Variants in ATP8B4 observed in about 807,000 individuals in gnomAD.
ATP8B4 encodes probable phospholipid-transporting ATPase IM.
In ATP8B4, 133 loss-of-function variants were observed where a neutral mutation model predicts 145.6. That is an observed-to-expected ratio of 0.91 (90% CI 0.79 to 1.05). The LOEUF (loss-of-function observed/expected upper bound fraction) is 1.05, where lower values mean the gene tolerates loss of function less well. Among genes scored for constraint, ATP8B4 ranks in the 50% least tolerant of loss-of-function variants. ATP8B4 has a pLI of 0.00. For synonymous variants in ATP8B4, 507 were observed against 492.9 expected, an observed-to-expected ratio of 1.03 and a Z score of -0.38; for missense variants, 1,458 against 1,425.2, an observed-to-expected ratio of 1.02 and a Z score of -0.37.
At position 49,981,196 on chromosome 15, in the gene ATP8B4, T is replaced by C. The variant is rs1437989400; in HGVS notation, c.837+10A>G. On this transcript the variant is annotated intron_variant, in intron 11 of 27. Coordinates refer to ENST00000284509, the MANE Select transcript of ATP8B4 (RefSeq NM_024837.4). Reference sequence around the variant, plus strand: ...AATGACTAGTGATATTGCCTAGTTTTGTAACTTACCCATAGTACTAGAGTA... The same window carrying C: ...AATGACTAGTGATATTGCCTAGTTTCGTAACTTACCCATAGTACTAGAGTA... 4.5e-6 allele frequency: 7 copies of C among 1,561,352 alleles called. No homozygotes were observed. The highest frequency in any genetic ancestry group is 6.1e-6 in the Non-Finnish European group (7 of 1,138,262).
At chr15:49,994,873 C>G (rs1015480310) in intron 9 of ATP8B4, among the ~76,000 whole-genome samples, 24 of 152,012 alleles carry the variant, frequency 1.6e-4, no homozygotes, top group African/African-American at 5.6e-4. Context: ...AAGTCAGGGC[C>G]AGGTGACAAT....
intron 23 of ATP8B4, among the ~76,000 whole-genome samples, chr15:49,889,669 G>C (rs974222933): frequency 6.6e-6 from 1 of 152,152 alleles, no homozygotes; most frequent in Non-Finnish European, 1.5e-5. Context: ...CCACCTACCA[G>C]GATGGGGCAT....
intron 2 of ATP8B4, among the ~76,000 whole-genome samples, chr15:50,083,167 G>T (rs1466100963): frequency 6.6e-6 from 1 of 152,128 alleles, no homozygotes; most frequent in African/African-American, 2.4e-5. Context: ...CATCTCCAGG[G>T]TTGGTCTCTG....
chr15:49,893,643 C>G (rs972751195), intron 23 of ATP8B4, among the ~76,000 whole-genome samples: 2 of 151,966 alleles, frequency 1.3e-5, no homozygotes, highest in African/African-American at 4.8e-5. Flanking sequence ...TTGCCAGGGA[C>G]TAGGGGAAAT....
intron 20 of ATP8B4, among the ~76,000 whole-genome samples, chr15:49,908,658 T>A (rs761503270): frequency 1.6e-4 from 25 of 151,874 alleles, no homozygotes; most frequent in African/African-American, 5.6e-4. Flanking sequence ...CAGCAAAGTG[T>A]CATTTTGAGA....
rs2047943659 is a variant in ATP8B4 at position 50,002,160 on chromosome 15, G to C, written c.499C>G (p.Leu167Val). 1 of 1,606,712 alleles carries C rather than the reference G, an allele frequency of 6.2e-7. No individual in the cohort carries two copies. The highest frequency in any genetic ancestry group is 8.5e-7 in the Non-Finnish European group (1 of 1,174,866). ...HGLCYVETAE[L>V]DGETNLKVRH... ...CTAATTTTAATAACTTACCCATCAA[G>C]CTCAGCAGTTTCAACATAACAGAGA... Residue 167 changes from leucine to valine, a missense_variant, in exon 8 of 28, where the codon CTT (leucine) becomes GTT (valine). By Grantham distance (32) the Leu-to-Val change is conservative (BLOSUM62 1). Transcript: ENST00000284509.
intron 1 of ATP8B4, among the ~76,000 whole-genome samples, chr15:50,179,597 C>A (rs574566139): frequency 5.9e-5 from 9 of 152,112 alleles, no homozygotes; most frequent in Non-Finnish European, 1.3e-4. Context: ...AATCCTAACC[C>A]TCAATGTGAT....
At chr15:50,161,858 G>C (rs1595660534) in intron 1 of ATP8B4, among the ~76,000 whole-genome samples, 1 of 152,132 alleles carries the variant, frequency 6.6e-6, no homozygotes, top group South Asian at 2.1e-4. Context: ...AGTGAGTTTT[G>C]TACCGTCAGA....
At chr15:49,870,984 G>A (rs61618346) in intron 25 of ATP8B4, among the ~76,000 whole-genome samples, 35,737 of 152,176 alleles carry the variant, frequency 0.23, 4,393 homozygotes, top group Non-Finnish European at 0.27. Context: ...GAGTGAGAGA[G>A]GTGGGGACCA....
intron 6 of ATP8B4, among the ~76,000 whole-genome samples, chr15:50,033,620 G>C (rs1299209697): frequency 6.6e-6 from 1 of 152,154 alleles, no homozygotes; most frequent in African/African-American, 2.4e-5. Flanking sequence ...TGGGAATATT[G>C]TGTGATGCTG....
chr15:50,040,007 C>G, intron 5 of ATP8B4, among the ~76,000 whole-genome samples: 1 of 152,192 alleles, frequency 6.6e-6, no homozygotes. Flanking sequence ...CTTCTTCCTA[C>G]GAGTAGAACA....
intron 10 of ATP8B4, among the ~76,000 whole-genome samples, chr15:49,983,011 A>G (rs1000193820): frequency 1.3e-5 from 2 of 151,978 alleles, no homozygotes; most frequent in African/African-American, 4.8e-5. Flanking sequence ...CCTGTCTTCC[A>G]TGATACTTAC....
chr15:49,945,122 A>C (rs540641240), intron 14 of ATP8B4, among the ~76,000 whole-genome samples: 73 of 152,272 alleles, frequency 4.8e-4, no homozygotes, highest in Non-Finnish European at 9.1e-4. Context: ...ATTTAATTTT[A>C]TACCTCAAAG....
At position 50,074,136 on chromosome 15, in the gene ATP8B4, G is replaced by A. The variant is rs1243289812; in HGVS notation, c.78C>T (p.Phe26=). The change falls in exon 3 of 28, where the codon TTC becomes TTT. Residue 26 remains phenylalanine (F), a synonymous_variant. Coordinates refer to ENST00000284509, the MANE Select transcript of ATP8B4 (RefSeq NM_024837.4). ...KANDREYNEK[F]QYADNRIHTS... is the part of the protein sequence containing the mutation. ...TGTGTGTTTCACTTACCGCATACTGGAACTTTTCATTATATTCACGGTCAT... is the reference window on the plus strand; with the variant it reads ...TGTGTGTTTCACTTACCGCATACTGAAACTTTTCATTATATTCACGGTCAT... 4 of 1,612,694 alleles carry A rather than the reference G, an allele frequency of 2.5e-6. No homozygotes were observed. Among genetic ancestry groups the A allele is most frequent in the South Asian group, 1.1e-5 (1 of 90,988 alleles).
intron 23 of ATP8B4, chr15:49,879,737 CAT>C (rs1323630357): frequency 3.5e-6 from 1 of 283,058 alleles, no homozygotes; most frequent in Non-Finnish European, 6.5e-6. Flanking sequence ...GTACCCCTAA[CAT>C]AGTGCGGGAC....
rs182317749 is a variant in ATP8B4 at position 50,023,243 on chromosome 15, C to G, written c.363-12326G>C. 5.9e-5 allele frequency among the ~76,000 whole-genome samples: 9 copies of G among 152,276 alleles called. No individual in the cohort carries two copies. The East Asian group carries it at 1.4e-3, about 23-fold the overall frequency. The stretch of plus-strand genomic sequence containing the variant: ...TAAATATATGTATAAATAATCTTCT[C>G]TCTTCTGAATTCCTTTCTTAATCAC... On this transcript the variant is annotated intron_variant, in intron 6 of 27. Transcript: ENST00000284509.
chr15:50,093,319 T>C (rs2055734101), intron 2 of ATP8B4, among the ~76,000 whole-genome samples: 1 of 152,116 alleles, frequency 6.6e-6, no homozygotes, highest in African/African-American at 2.4e-5. Context: ...ATAATACATG[T>C]TATTTATTAC....
intron 14 of ATP8B4, among the ~76,000 whole-genome samples, chr15:49,943,874 G>C (rs2153479927): frequency 6.6e-6 from 1 of 152,292 alleles, no homozygotes; most frequent in Non-Finnish European, 1.5e-5. Context: ...AAATATAAAA[G>C]CTGACAGACC....
intron 1 of ATP8B4, among the ~76,000 whole-genome samples, chr15:50,154,681 AT>A (rs550851573): frequency 3.2e-4 from 47 of 148,444 alleles, no homozygotes; most frequent in East Asian, 2.0e-3. Flanking sequence ...ATATTCAGCA[AT>A]TTTTTTTTTT....
Sources: gnomAD v4.1 joint callset for allele counts (sites outside exome capture counted in the v4.1 genomes callset) on GRCh38, gnomAD v4.1.1 for gene constraint, MANE v1.5 for transcripts, NCBI Gene and HGNC (gene_info 2026-07-23, HGNC 2026-07-21) for gene names.